CFAP46: variants seen among roughly 807,000 people sequenced by gnomAD.
The protein encoded by CFAP46 is cilia and flagella associated protein 46.
Under a neutral mutation model 325.7 loss-of-function variants are expected in CFAP46, and 245 were observed. The ratio of observed to expected loss-of-function variants is 0.75; its 90% confidence interval spans 0.68 to 0.84. CFAP46 has a LOEUF of 0.84. Ranked by LOEUF, CFAP46 falls within the 40% of genes least tolerant of loss-of-function variation. The probability of loss-of-function intolerance (pLI) is 0.00; values close to 1 mark genes in which losing one functional copy is unlikely to be tolerated. For missense variants in CFAP46, 3,346 were observed against 3,543.0 expected (o/e 0.94, Z 1.41); for synonymous variants, 1,523 against 1,495.9 (o/e 1.02, Z -0.42).
At chr10:132,904,197 G>A (rs2135501203) in intron 22 of CFAP46, among the ~76,000 whole-genome samples, 1 of 152,366 alleles carries the variant, frequency 6.6e-6, no homozygotes, top group South Asian at 2.1e-4. Context: ...GTCGTCTGCT[G>A]GATGTGGGCA....
In CFAP46 at chr10:132,854,567, G is replaced by A. The variant is rs142893210; in HGVS notation, c.5574+3023C>T. Among the ~76,000 whole-genome samples the A allele has an allele frequency of 7.3e-3, 1,118 of 152,194 alleles. 16 individuals are homozygous for A. The highest frequency in any genetic ancestry group is 0.024 in the African/African-American group (1,009 of 41,504). On this transcript the variant is annotated intron_variant, in intron 39 of 57. Coordinates refer to ENST00000368586, the MANE Select transcript of CFAP46 (RefSeq NM_001200049.3). Reference sequence around the variant, plus strand: ...TTAGCCAGGATGGTCTCGATCTCCTGACCTCGTGATCTGCCCTCCTCAGCC... The same window carrying A: ...TTAGCCAGGATGGTCTCGATCTCCTAACCTCGTGATCTGCCCTCCTCAGCC...
chr10:132,862,032 C>T (rs112926187), intron 35 of CFAP46, among the ~76,000 whole-genome samples: 18 of 152,358 alleles, frequency 1.2e-4, no homozygotes, highest in Non-Finnish European at 2.1e-4. Context: ...TCCACCTGGA[C>T]GCCACAGCCT....
rs1564794249 is a variant in CFAP46, at chr10:132,899,125, A to G, written c.3057-4T>C. 2 of 1,548,408 alleles carry G rather than the reference A, an allele frequency of 1.3e-6. No homozygotes were observed. The highest frequency in any genetic ancestry group is 1.7e-6 in the Non-Finnish European group (2 of 1,146,430). Reference sequence around the variant, plus strand: ...GCTGCCCGCGATGCCTCCGAACCTAAAAGAGGGCAGGTCATGACGCGGTGG... The same window carrying G: ...GCTGCCCGCGATGCCTCCGAACCTAGAAGAGGGCAGGTCATGACGCGGTGG... On this transcript the variant is annotated splice_region_variant and splice_polypyrimidine_tract_variant and intron_variant, in intron 23 of 57. Transcript: ENST00000368586.
chr10:132,916,453 T>A, intron 17 of CFAP46, 96 bp downstream of exon 17: 1 of 1,349,228 alleles, frequency 7.4e-7, no homozygotes, highest in Non-Finnish European at 9.8e-7. Context: ...TCCTTACGAA[T>A]GCAAAGGGTG....
intron 29 of CFAP46, among the ~76,000 whole-genome samples, chr10:132,878,426 CTTG>C (rs1848989473): frequency 6.6e-6 from 1 of 152,158 alleles, no homozygotes; most frequent in South Asian, 2.1e-4. Context: ...TGCAGCGGCC[CTTG>C]TTGGGGATGT....
At chr10:132,822,650 ATGTGTGCTG>A (rs1332465781) in intron 50 of CFAP46, among the ~76,000 whole-genome samples, 1 of 99,522 alleles carries the variant, frequency 1.0e-5, no homozygotes. Context: ...CTGTGCGCTG[ATGTGTGCTG>A]TGTGTGCGCT....
chr10:132,927,170 G>A (rs918894902), intron 9 of CFAP46, among the ~76,000 whole-genome samples: 1 of 152,210 alleles, frequency 6.6e-6, no homozygotes, highest in Non-Finnish European at 1.5e-5. Flanking sequence ...CCCGCTCGAG[G>A]GGTGACACCC....
At chr10:132,815,272 G>A (rs528232863) in intron 50 of CFAP46, among the ~76,000 whole-genome samples, 20 of 152,298 alleles carry the variant, frequency 1.3e-4, no homozygotes, top group African/African-American at 3.6e-4. Flanking sequence ...CTTTCGACAC[G>A]AACACTTTCT....
intron 54 of CFAP46, 37 bp from the exon 55 acceptor site, chr10:132,812,934 T>C (rs776798318): frequency 4.6e-6 from 7 of 1,537,532 alleles, no homozygotes; most frequent in Non-Finnish European, 5.3e-6. Context: ...ACAGTGCCCA[T>C]GCACCTGTAC....
At chr10:132,924,593 G>T in intron 11 of CFAP46, 103 bp downstream of exon 11, 2 of 1,155,534 alleles carry the variant, frequency 1.7e-6, no homozygotes, top group Non-Finnish European at 2.3e-6. Flanking sequence ...TCTGTTGCTT[G>T]TGGCACTGTC....
Position 132,867,407 on chromosome 10 carries a change from C to T in CFAP46, c.4711G>A (p.Gly1571Arg). ...LNEQTLPVQP[G>R]EIKPLDAKDK... ...TTGGCGTCCAGTGGTTTGATCTCCC[C>T]AGGCTGGACAGGAAGTGTCTGCTCA... Residue 1571 changes from glycine to arginine, a missense_variant, in exon 34 of 58, where the codon GGG becomes AGG. Coordinates refer to ENST00000368586, the MANE Select transcript of CFAP46 (RefSeq NM_001200049.3). The T allele has an allele frequency of 6.4e-7, 1 of 1,550,580 alleles. No homozygotes were observed. Among genetic ancestry groups the T allele is most frequent in the Middle Eastern group, 1.7e-4 (1 of 5,976 alleles).
At chr10:132,853,565 T>C (rs1848593805) in intron 39 of CFAP46, among the ~76,000 whole-genome samples, 1 of 152,222 alleles carries the variant, frequency 6.6e-6, no homozygotes, top group Admixed American at 6.5e-5. Context: ...CTTTTCAAGT[T>C]TCTAGAATAA....
In CFAP46 at chr10:132,920,185, G is replaced by T; in HGVS notation, c.1607-3C>A. The T allele has an allele frequency of 6.5e-7, 1 of 1,532,522 alleles. No individual in the cohort carries two copies. The allele number at this position is 1,532,522 out of a possible 1,614,324, so 94.9% of individuals were successfully genotyped here. A position where few individuals can be genotyped will look rare whatever the true frequency, so the allele number is the denominator to read the frequency against. ...GCCCCTGTTCTTCCCGGTGGAGACT[G>T]AGGGCGGAAATGCAAAGGCAGGTGT... On this transcript the variant is annotated splice_polypyrimidine_tract_variant and splice_region_variant and intron_variant, in intron 13 of 57. Transcript: ENST00000368586.
chr10:132,925,158 C>T (rs187873359), intron 10 of CFAP46, among the ~76,000 whole-genome samples: 175 of 152,186 alleles, frequency 1.1e-3, no homozygotes, highest in Non-Finnish European at 2.2e-3. Flanking sequence ...GGCGCTGCTC[C>T]CTTCCTGATC....
At chr10:132,887,736 T>C (rs1205651871) in intron 25 of CFAP46, among the ~76,000 whole-genome samples, 1 of 90,496 alleles carries the variant, frequency 1.1e-5, no homozygotes, top group African/African-American at 4.8e-5. Flanking sequence ...TCCTCTCCCC[T>C]CTTCTCTCTC....
chr10:132,923,929 G>A (rs1849766881), intron 11 of CFAP46, among the ~76,000 whole-genome samples: 1 of 152,162 alleles, frequency 6.6e-6, no homozygotes, highest in Non-Finnish European at 1.5e-5. Flanking sequence ...TAGAACTCTA[G>A]AAAAATTCAG....
chr10:132,931,786 C>T (rs1295248937), intron 8 of CFAP46, among the ~76,000 whole-genome samples: 3 of 137,514 alleles, frequency 2.2e-5, no homozygotes, highest in Non-Finnish European at 4.7e-5. Context: ...CACACAGAGC[C>T]TGGACCTTCC....
At chr10:132,823,060 GTGC>G (rs1409722964) in intron 50 of CFAP46, among the ~76,000 whole-genome samples, 1 of 143,884 alleles carries the variant, frequency 7.0e-6, no homozygotes, top group African/African-American at 2.6e-5. Context: ...TGTGCTGTGA[GTGC>G]TGATGTGTGC....
rs1035937876 is a variant in CFAP46 at position 132,919,215 on chromosome 10, G to A, written c.1858+100C>T. ...GACTTAGCAATACGCTTTCTCATGC[G>A]AAGGCCCCATGGGTTGTCATTGCAC... is the stretch of plus-strand genomic sequence containing the variant. On this transcript the variant is annotated intron_variant, in intron 15 of 57. Transcript: ENST00000368586. The surrounding 1 kb of genome is among the most constrained non-coding windows in gnomAD (Gnocchi z 9.7). The A allele has an allele frequency of 5.6e-6, 7 of 1,257,548 alleles. No individual in the cohort carries two copies. The highest frequency in any genetic ancestry group is 3.0e-5 in the Admixed American group (1 of 33,856). 77.9% of individuals were successfully genotyped at this position (1,257,548 alleles called of 1,614,324 possible).
Sources: allele counts gnomAD v4.1 joint callset (sites outside exome capture counted in the v4.1 genomes callset), GRCh38; gene constraint gnomAD v4.1.1; non-coding constraint Gnocchi (gnomAD v3.1); transcripts MANE v1.5; gene names NCBI Gene and HGNC (gene_info 2026-07-23, HGNC 2026-07-21).